Variants in NOVA1 observed in about 807,000 individuals in gnomAD.
NOVA1 encodes the protein RNA-binding protein Nova-1.
NOVA1 carries 7 observed loss-of-function variants against 38.0 expected under a neutral mutation model. The ratio of observed to expected loss-of-function variants is 0.18; its 90% CI spans 0.10 to 0.35. The LOEUF (loss-of-function observed/expected upper bound fraction) is 0.35, where lower values mean the gene tolerates loss of function less well. Among genes scored for constraint, NOVA1 ranks in the 10% least tolerant of loss-of-function variants. The pLI is 1.00. For synonymous variants in NOVA1, 270 were observed against 232.5 expected (o/e 1.16, Z -1.47); for missense variants, 460 against 616.0 (o/e 0.75, Z 2.68).
chr14:26,508,586 C>T (rs1423874736), intron 2 of NOVA1, among the ~76,000 whole-genome samples: 1 of 149,884 alleles, frequency 6.7e-6, no homozygotes, highest in East Asian at 1.9e-4. Context: ...ACCATTTATC[C>T]GCATACACTT....
chr14:26,527,437 A>G (rs1889387520), intron 2 of NOVA1, among the ~76,000 whole-genome samples: 1 of 152,104 alleles, frequency 6.6e-6, no homozygotes, highest in Non-Finnish European at 1.5e-5. Context: ...CAGTCACCTG[A>G]ATACATCATT....
At chr14:26,469,362 A>G (rs1386918254) in intron 4 of NOVA1, among the ~76,000 whole-genome samples, 1 of 152,208 alleles carries the variant, frequency 6.6e-6, no homozygotes, top group African/African-American at 2.4e-5. Flanking sequence ...AAAACAGCCA[A>G]TACTAATACT....
rs142512212 is a variant in NOVA1, at chr14:26,487,655, G to C, written c.281-7512C>G. On this transcript the variant is annotated intron_variant, in intron 2 of 4. Transcript: ENST00000539517. The stretch of plus-strand genomic sequence containing the variant: ...CTCCTAAGAATGTAATATTAGGCCA[G>C]ATAGCAAATTTAACACATTTAAGAA... Among the ~76,000 whole-genome samples the C allele has an allele frequency of 2.5e-3, 380 of 152,182 alleles. 1 individual carries two copies. Among genetic ancestry groups the C allele is most frequent in the African/African-American group, 8.6e-3 (359 of 41,546 alleles).
At chr14:26,476,378 T>C (rs1277237941) in intron 3 of NOVA1, among the ~76,000 whole-genome samples, 1 of 152,208 alleles carries the variant, frequency 6.6e-6, no homozygotes, top group Non-Finnish European at 1.5e-5. Context: ...GGAAAATGTT[T>C]GGCAAATCTG....
chr14:26,597,218 G>A, intron 1 of NOVA1, 83 bp downstream of exon 1: 2 of 1,133,728 alleles, frequency 1.8e-6, no homozygotes, highest in South Asian at 4.5e-5. Context: ...AGGGAGGGAA[G>A]GAGGGAGGGA....
chr14:26,476,249 G>A (rs1036024274), intron 3 of NOVA1, among the ~76,000 whole-genome samples: 3 of 152,134 alleles, frequency 2.0e-5, no homozygotes, highest in Non-Finnish European at 4.4e-5. Context: ...ATGAATAGCT[G>A]TACCTACAAG....
chr14:26,545,477 C>T (rs1837613466), intron 2 of NOVA1, among the ~76,000 whole-genome samples: 1 of 151,986 alleles, frequency 6.6e-6, no homozygotes, highest in Non-Finnish European at 1.5e-5. Flanking sequence ...TCAATATGTG[C>T]AGTTTTCAAG....
At chr14:26,480,173 T>C in intron 2 of NOVA1, 30 bp from the exon 3 acceptor site, 1 of 1,569,472 alleles carries the variant, frequency 6.4e-7, no homozygotes, top group South Asian at 1.2e-5. Flanking sequence ...TTTCAGAAAA[T>C]ATTCCACACT....
chr14:26,532,628 G>C (rs1362712523), intron 2 of NOVA1, among the ~76,000 whole-genome samples: 1 of 152,158 alleles, frequency 6.6e-6, no homozygotes, highest in Non-Finnish European at 1.5e-5. Flanking sequence ...GCTTGACTAT[G>C]GTGGCAGTTG....
rs145691659 is a variant in NOVA1 at position 26,591,814 on chromosome 14, G to A, written c.280+3596C>T. 2.2e-3 allele frequency among the ~76,000 whole-genome samples: 336 copies of A among 150,538 alleles called. 2 individuals are homozygous for A. Among genetic ancestry groups the A allele is most frequent in the African/African-American group, 7.6e-3 (311 of 41,142 alleles). Reference sequence around the variant, plus strand: ...TTTAAAAAAATGTATAATGGTTTGTGTTTTTTTTAAAAAAGCACCACCCAA... The same window carrying A: ...TTTAAAAAAATGTATAATGGTTTGTATTTTTTTTAAAAAAGCACCACCCAA... On this transcript the variant is annotated intron_variant, in intron 2 of 4. Transcript: ENST00000539517.
rs1458734285 is a variant in NOVA1 at position 26,464,789 on chromosome 14, A to G, written c.519+7531T>C. On this transcript the variant is annotated intron_variant, in intron 4 of 4. Coordinates refer to ENST00000539517, the MANE Select transcript of NOVA1 (RefSeq NM_002515.3). ...TAATTTAAAAAGGATTGATATTCCT[A>G]TATTAAATCTTCCCCACGAAAATTA... Among the ~76,000 whole-genome samples the G allele has an allele frequency of 3.3e-5, 5 of 152,274 alleles. No homozygotes were observed. In the East Asian group the frequency reaches 9.6e-4, roughly 29 times the overall value.
At chr14:26,452,252 T>C (rs151278051) in intron 4 of NOVA1, among the ~76,000 whole-genome samples, 230 of 152,234 alleles carry the variant, frequency 1.5e-3, no homozygotes, top group African/African-American at 5.1e-3. Context: ...ATTAATCTAA[T>C]ATGGGCAGAG....
At chr14:26,510,443 A>G (rs1299128320) in intron 2 of NOVA1, among the ~76,000 whole-genome samples, 1 of 152,234 alleles carries the variant, frequency 6.6e-6, no homozygotes, top group African/African-American at 2.4e-5. Flanking sequence ...CATGCATAAA[A>G]TAAAAGGGGA....
chr14:26,484,657 T>C (rs1885745351), intron 2 of NOVA1, among the ~76,000 whole-genome samples: 1 of 152,122 alleles, frequency 6.6e-6, no homozygotes. Context: ...TATGGCTTTT[T>C]TTCTCCTTGA....
intron 2 of NOVA1, among the ~76,000 whole-genome samples, chr14:26,525,711 C>A (rs1198886947): frequency 6.6e-6 from 1 of 152,106 alleles, no homozygotes; most frequent in Non-Finnish European, 1.5e-5. Context: ...GTCTAAAGCT[C>A]TCTCTTCAGG....
At chr14:26,497,229 CA>C (rs1886885336) in intron 2 of NOVA1, among the ~76,000 whole-genome samples, 1 of 152,088 alleles carries the variant, frequency 6.6e-6, no homozygotes, top group Non-Finnish European at 1.5e-5. Context: ...CCTAGGAATC[CA>C]CCTTACAAGG....
At chr14:26,490,212 T>C in intron 2 of NOVA1, among the ~76,000 whole-genome samples, 1 of 152,218 alleles carries the variant, frequency 6.6e-6, no homozygotes, top group East Asian at 1.9e-4. Flanking sequence ...CGTAACAATA[T>C]TCCATTGCAT....
At chr14:26,519,930 T>G (rs974389000) in intron 2 of NOVA1, among the ~76,000 whole-genome samples, 26 of 152,288 alleles carry the variant, frequency 1.7e-4, no homozygotes, top group Non-Finnish European at 3.2e-4. Context: ...CATTTTCTGT[T>G]GATATACACG....
chr14:26,450,036 T>C (rs1347118867), intron 4 of NOVA1, among the ~76,000 whole-genome samples: 1 of 152,154 alleles, frequency 6.6e-6, no homozygotes, highest in Non-Finnish European at 1.5e-5. Context: ...CATATGACAA[T>C]GTTTTATGTC....
Sources: allele counts gnomAD v4.1 joint callset (sites outside exome capture counted in the v4.1 genomes callset), GRCh38; gene constraint gnomAD v4.1.1; transcripts MANE v1.5; gene names NCBI Gene and HGNC (gene_info 2026-07-23, HGNC 2026-07-21).